The following UIMC1 variants were observed in gnomAD, a reference collection of about 807,000 sequenced individuals.
UIMC1 encodes the protein BRCA1-A complex subunit RAP80.
Under a neutral mutation model 84.9 loss-of-function variants are expected in UIMC1, and 42 were observed. The ratio of observed to expected loss-of-function variants is 0.49; its 90% CI spans 0.39 to 0.64. The LOEUF is 0.64. UIMC1 is among the 30% of genes least tolerant of loss of function. UIMC1 has a pLI of 0.00. For synonymous variants in UIMC1, 281 were observed against 293.0 expected (o/e 0.96, Z 0.42); for missense variants, 825 against 847.6 (o/e 0.97, Z 0.33).
chr5:176,919,417 T>C (rs1211482428), intron 10 of UIMC1, among the ~76,000 whole-genome samples: 1 of 152,254 alleles, frequency 6.6e-6, no homozygotes, highest in Non-Finnish European at 1.5e-5. Flanking sequence ...AATTTATCTT[T>C]TTCTTTTGTT....
intron 1 of UIMC1, among the ~76,000 whole-genome samples, chr5:176,995,351 C>T (rs1297490384): frequency 6.6e-6 from 1 of 150,932 alleles, no homozygotes; most frequent in Non-Finnish European, 1.5e-5. Context: ...GGATTTGAGA[C>T]CAGCCTGGCC....
intron 2 of UIMC1, among the ~76,000 whole-genome samples, chr5:176,978,383 A>T (rs1467382904): frequency 6.6e-6 from 1 of 152,158 alleles, no homozygotes; most frequent in Non-Finnish European, 1.5e-5. Context: ...AAAAAAAATA[A>T]AATAAAATAA....
At chr5:176,961,996 G>A (rs1326055260) in intron 6 of UIMC1, among the ~76,000 whole-genome samples, 12 of 69,760 alleles carry the variant, frequency 1.7e-4, no homozygotes, top group South Asian at 1.1e-3. Context: ...GAGGTGGGGG[G>A]GTCAGCCCCC....
intron 6 of UIMC1, among the ~76,000 whole-genome samples, chr5:176,960,023 ACT>A (rs1362067630): frequency 3.9e-5 from 6 of 152,058 alleles, no homozygotes; most frequent in African/African-American, 7.2e-5. Context: ...AAGAGTGAAA[ACT>A]CTGTCTCAAA....
intron 1 of UIMC1, among the ~76,000 whole-genome samples, chr5:176,997,810 T>C (rs1773854216): frequency 1.3e-5 from 2 of 152,150 alleles, no homozygotes; most frequent in South Asian, 2.1e-4. Context: ...CAGATTGCTC[T>C]TTCTAAGCTC....
chr5:176,998,233 T>A (rs1773912220), intron 1 of UIMC1, among the ~76,000 whole-genome samples: 1 of 151,790 alleles, frequency 6.6e-6, no homozygotes, highest in Admixed American at 6.6e-5. Flanking sequence ...TCCCAGCACT[T>A]TCGGCAGATC....
intron 9 of UIMC1, among the ~76,000 whole-genome samples, chr5:176,947,589 C>T (rs984409319): frequency 5.3e-5 from 8 of 152,168 alleles, no homozygotes; most frequent in East Asian, 3.9e-4. Flanking sequence ...GAGGCCAAGG[C>T]GGGTGGATCA....
At chr5:177,009,864 G>A (rs976745567), upstream of UIMC1, among the ~76,000 whole-genome samples, 17 of 152,056 alleles carry the variant, frequency 1.1e-4, no homozygotes, top group African/African-American at 3.1e-4. The surrounding 1 kb of genome is among the most constrained non-coding windows in gnomAD (Gnocchi z 4.3). Flanking sequence ...GCGAAACCCC[G>A]TCTCTACTAA....
rs527787559 is a variant in UIMC1 at position 176,987,688 on chromosome 5, G to A, written c.-8-5065C>T. On this transcript the variant is annotated intron_variant, in intron 1 of 14. Transcript: ENST00000511320. ...TAAAAATAAACATTAGCCAGGCATG[G>A]CAGCTAATGCCTGTAGTCCCAGCTA... 2.6e-5 allele frequency among the ~76,000 whole-genome samples: 4 copies of A among 151,966 alleles called. No homozygotes were observed. The South Asian group carries it at 8.3e-4, about 32-fold the overall frequency.
chr5:176,915,873 C>T (rs922411951), intron 10 of UIMC1, among the ~76,000 whole-genome samples: 2 of 147,174 alleles, frequency 1.4e-5, no homozygotes, highest in African/African-American at 5.0e-5. Flanking sequence ...TGTTCTTCTA[C>T]AAGAGCAGGC....
intron 2 of UIMC1, among the ~76,000 whole-genome samples, chr5:176,976,186 C>T (rs1244447554): frequency 6.6e-6 from 1 of 151,870 alleles, no homozygotes; most frequent in Non-Finnish European, 1.5e-5. Flanking sequence ...TTTAAATTAG[C>T]CAGGCATGGT....
At chr5:177,012,768 A>G (rs1049669823) in intron 1 of UIMC1, among the ~76,000 whole-genome samples, 2 of 152,140 alleles carry the variant, frequency 1.3e-5, no homozygotes, top group African/African-American at 4.8e-5. Flanking sequence ...CCATAATGAT[A>G]TTCAAAAAAG....
chr5:176,971,682 G>C (rs961945694), intron 3 of UIMC1, among the ~76,000 whole-genome samples: 3 of 152,154 alleles, frequency 2.0e-5, no homozygotes, highest in Non-Finnish European at 4.4e-5. Context: ...GCCAAGGTGG[G>C]AGGATCATGT....
chr5:177,014,817 G>T (rs975581404), intron 1 of UIMC1, among the ~76,000 whole-genome samples: 4 of 152,182 alleles, frequency 2.6e-5, no homozygotes, highest in African/African-American at 9.7e-5. Context: ...GCAGGGCTTG[G>T]TACTTGAGAG....
chr5:176,909,697 T>C (rs1759866619), intron 11 of UIMC1, among the ~76,000 whole-genome samples: 1 of 152,188 alleles, frequency 6.6e-6, no homozygotes, highest in Non-Finnish European at 1.5e-5. Context: ...CTCAAATACT[T>C]AATTATCCAG....
chr5:176,912,739 C>G (rs1369518757), intron 10 of UIMC1, among the ~76,000 whole-genome samples: 2 of 151,970 alleles, frequency 1.3e-5, no homozygotes, highest in East Asian at 3.9e-4. Context: ...AATCTCGGCT[C>G]ACTGCAACCT....
intron 10 of UIMC1, among the ~76,000 whole-genome samples, chr5:176,927,166 C>T (rs868268937): frequency 9.6e-5 from 13 of 135,060 alleles, no homozygotes; most frequent in African/African-American, 3.1e-4. Flanking sequence ...AGTTCAAGAA[C>T]AGCCTGGGCA....
At chr5:176,911,277 A>G (rs1195966669) in intron 11 of UIMC1, 34 bp downstream of exon 11, 6 of 1,560,534 alleles carry the variant, frequency 3.8e-6, no homozygotes, top group African/African-American at 1.4e-5. Context: ...GGTATGTTAT[A>G]CAAGAGCTCC....
At chr5:176,918,492 T>C (rs940483222) in intron 10 of UIMC1, among the ~76,000 whole-genome samples, 4 of 152,244 alleles carry the variant, frequency 2.6e-5, no homozygotes, top group South Asian at 2.1e-4. Context: ...CTATGTATCA[T>C]AACTGGGAGA....
Sources: gnomAD v4.1 joint callset for allele counts (sites outside exome capture counted in the v4.1 genomes callset) on GRCh38, gnomAD v4.1.1 for gene constraint, Gnocchi (gnomAD v3.1) non-coding constraint, MANE v1.5 for transcripts, NCBI Gene and HGNC (gene_info 2026-07-23, HGNC 2026-07-21) for gene names.